The following DNAH9 variants were observed in gnomAD, a reference collection of about 807,000 sequenced individuals.
DNAH9 encodes the protein DNAH9 variant protein.
DNAH9 carries 345 observed loss-of-function variants against 471.6 expected under a neutral mutation model. The ratio of observed to expected loss-of-function variants is 0.73; its 90% CI spans 0.67 to 0.80. The LOEUF (loss-of-function observed/expected upper bound fraction) is 0.80. DNAH9 is among the 30% of genes least tolerant of loss of function. DNAH9 has a pLI of 0.00. For synonymous variants in DNAH9, 2,093 were observed against 2,123.6 expected, an observed-to-expected ratio of 0.99 and a Z score of 0.40; for missense variants, 5,407 against 5,609.2, an observed-to-expected ratio of 0.96 and a Z score of 1.15.
At chr17:11,934,653 C>T (rs910808713) in intron 65 of DNAH9, among the ~76,000 whole-genome samples, 30 of 151,904 alleles carry the variant, frequency 2.0e-4, no homozygotes, top group Admixed American at 5.9e-4. Flanking sequence ...GGGGTTTCAC[C>T]CTGTTAGCCA....
intron 67 of DNAH9, among the ~76,000 whole-genome samples, chr17:11,960,570 G>C (rs1293219389): frequency 6.6e-6 from 1 of 151,400 alleles, no homozygotes. Flanking sequence ...GACCAGCCTG[G>C]CCAACATGGT....
At chr17:11,611,154 A>G (rs1374489174) in intron 3 of DNAH9, among the ~76,000 whole-genome samples, 1 of 152,194 alleles carries the variant, frequency 6.6e-6, no homozygotes, top group Non-Finnish European at 1.5e-5. Context: ...GGAGGCAGAC[A>G]GATGTTAGCG....
At chr17:11,916,281 T>C (rs570408205) in intron 61 of DNAH9, among the ~76,000 whole-genome samples, 1 of 152,178 alleles carries the variant, frequency 6.6e-6, no homozygotes, top group South Asian at 2.1e-4. Flanking sequence ...CCCTGATCTA[T>C]ATGGGTTGTT....
Position 11,742,320 on chromosome 17 carries a change from T to A in DNAH9, c.6111+7T>A. ...AGAGCTTCTCTCCAAACAGGTAGGATCTCTAGGGAGGCTGTACAACCAAGC... is the reference window on the plus strand; with the variant it reads ...AGAGCTTCTCTCCAAACAGGTAGGAACTCTAGGGAGGCTGTACAACCAAGC... On this transcript the variant is annotated splice_region_variant and intron_variant, in intron 30 of 68. Transcript: ENST00000262442. 1.9e-6 allele frequency: 3 copies of A among 1,614,004 alleles called. No homozygotes were observed. The highest frequency in any genetic ancestry group is 1.7e-6 in the Non-Finnish European group (2 of 1,179,932).
rs1044411743 is a variant in DNAH9, at chr17:11,722,951, A to T, written c.5709+3461A>T. 3.3e-5 allele frequency among the ~76,000 whole-genome samples: 5 copies of T among 152,232 alleles called. No homozygotes were observed. In the South Asian group the frequency reaches 6.2e-4, roughly 19 times the overall value. ...CCTCTCTGTAGCAGCCATATTGTGG[A>T]TACTACACTTTTCCTTGAGACCCTA... On this transcript the variant is annotated intron_variant, in intron 27 of 68. Coordinates refer to ENST00000262442, the MANE Select transcript of DNAH9 (RefSeq NM_001372.4).
chr17:11,874,892 C>G, intron 52 of DNAH9, 57 bp from the exon 53 acceptor site: 1 of 1,305,216 alleles, frequency 7.7e-7, no homozygotes, highest in African/African-American at 1.5e-5. Context: ...TGCATTCATC[C>G]CAGCTGAGAA....
intron 28 of DNAH9, among the ~76,000 whole-genome samples, chr17:11,730,954 ATG>A (rs1567756281): frequency 1.7e-5 from 1 of 57,826 alleles, no homozygotes; most frequent in African/African-American, 4.8e-5. Flanking sequence ...GATGATGATG[ATG>A]GTGGTGGTGA....
chr17:11,840,009 T>C (rs1041363949), intron 49 of DNAH9, among the ~76,000 whole-genome samples: 1 of 152,208 alleles, frequency 6.6e-6, no homozygotes, highest in East Asian at 1.9e-4. Context: ...ATACAAAGGC[T>C]TCTCAAAACA....
At chr17:11,646,862 G>A (rs375276523) in intron 11 of DNAH9, among the ~76,000 whole-genome samples, 88 of 152,268 alleles carry the variant, frequency 5.8e-4, no homozygotes, top group Middle Eastern at 6.8e-3. Flanking sequence ...GCAGTGAGCC[G>A]AGATCACATC....
Position 11,768,579 on chromosome 17 carries a change from T to G in DNAH9, c.7297T>G (p.Ser2433Ala), listed in dbSNP as rs369268848. 1.1e-4 allele frequency: 180 copies of G among 1,613,990 alleles called. No homozygotes were observed. The highest frequency in any genetic ancestry group is 1.4e-4 in the Non-Finnish European group (166 of 1,180,012). ...AGAGACCAAGAAATTCGAGCCTTGG[T>G]CCAAGCTCGTCCCCCAGTTCGAATT... ...DPETKKFEPW[S>A]KLVPQFEFDP... Residue 2433 changes from serine (S) to alanine (A), a missense_variant, in exon 37 of 69, where the codon TCC becomes GCC. Ser to Ala is a moderately conservative substitution (Grantham distance 99). This residue lies in a region of DNAH9 where 4,636 missense variants were observed against 4,900.3 expected (regional missense o/e 0.95). Transcript: ENST00000262442.
chr17:11,776,106 TCAC>T (rs1188201338), intron 38 of DNAH9, among the ~76,000 whole-genome samples: 1 of 152,208 alleles, frequency 6.6e-6, no homozygotes, highest in Non-Finnish European at 1.5e-5. Flanking sequence ...AGGGCTTTCC[TCAC>T]CTTAGTTCTT....
rs2072308669 is a variant in DNAH9, at chr17:11,598,566, G to A, written c.68G>A (p.Arg23Gln). ...GCGGATGGGGAACCCGGCGCCGACCGACGACTGCGACTCCTGGGGACCTAC... is the reference window on the plus strand; with the variant it reads ...GCGGATGGGGAACCCGGCGCCGACCAACGACTGCGACTCCTGGGGACCTAC... ...ENADGEPGAD[R>Q]RLRLLGTYVA... The change falls in exon 1 of 69, where the codon CGA becomes CAA. Residue 23 changes from arginine (R) to glutamine (Q), a missense_variant. Arg to Gln is a conservative substitution (Grantham distance 43). Coordinates refer to ENST00000262442, the MANE Select transcript of DNAH9 (RefSeq NM_001372.4). 5.7e-6 allele frequency: 8 copies of A among 1,406,164 alleles called. No homozygotes were observed. The South Asian group carries it at 7.6e-5, about 13-fold the overall frequency. 87.1% of individuals were successfully genotyped at this position (1,406,164 alleles called of 1,614,324 possible).
intron 49 of DNAH9, among the ~76,000 whole-genome samples, chr17:11,835,407 A>G (rs1390203339): frequency 3.3e-5 from 5 of 152,248 alleles, no homozygotes; most frequent in Non-Finnish European, 7.3e-5. Context: ...TTTTTAATCT[A>G]TAAAATCAAA....
chr17:11,788,042 C>G (rs1968932753), intron 41 of DNAH9, among the ~76,000 whole-genome samples: 1 of 152,132 alleles, frequency 6.6e-6, no homozygotes, highest in Admixed American at 6.5e-5. Context: ...CATCTCAGTG[C>G]AACACATAAC....
chr17:11,960,141 A>G (rs899869174), intron 67 of DNAH9, among the ~76,000 whole-genome samples: 4 of 152,190 alleles, frequency 2.6e-5, no homozygotes, highest in African/African-American at 9.6e-5. Context: ...TGTTTTTAAG[A>G]ATTCCAAAAG....
chr17:11,606,952 G>T (rs904923638), intron 1 of DNAH9, among the ~76,000 whole-genome samples: 57 of 152,138 alleles, frequency 3.7e-4, no homozygotes, highest in African/African-American at 1.3e-3. Flanking sequence ...AGACACTTTG[G>T]CCTGACTCTC....
intron 36 of DNAH9, among the ~76,000 whole-genome samples, chr17:11,765,856 T>C (rs1343166112): frequency 1.3e-5 from 2 of 152,188 alleles, no homozygotes; most frequent in East Asian, 1.9e-4. Context: ...GTCTCTGACC[T>C]GTGGGCTGGG....
At chr17:11,768,097 C>T (rs1366959940) in intron 36 of DNAH9, among the ~76,000 whole-genome samples, 1 of 152,144 alleles carries the variant, frequency 6.6e-6, no homozygotes, top group Non-Finnish European at 1.5e-5. Flanking sequence ...GAATCTCAGG[C>T]ACCGAAGAAT....
At chr17:11,968,302 C>T (rs1244572442) in intron 68 of DNAH9, among the ~76,000 whole-genome samples, 1 of 152,204 alleles carries the variant, frequency 6.6e-6, no homozygotes, top group African/African-American at 2.4e-5. Context: ...CTGTTACTCA[C>T]CATCCTTTAC....
Sources: gnomAD v4.1 joint callset for allele counts (sites outside exome capture counted in the v4.1 genomes callset) on GRCh38, gnomAD v4.1.1 for gene constraint, gnomAD v4.1.1 regional missense constraint, MANE v1.5 for transcripts, NCBI Gene and HGNC (gene_info 2026-07-23, HGNC 2026-07-21) for gene names.